ETFA: variants seen among roughly 807,000 people sequenced by gnomAD.
The protein encoded by ETFA is electron transfer flavoprotein subunit alpha.
Under a neutral mutation model 46.2 loss-of-function variants are expected in ETFA, and 22 were observed. That is an observed-to-expected ratio of 0.48 (90% CI 0.34 to 0.68). ETFA has a LOEUF of 0.68. Among genes scored for constraint, ETFA ranks in the 30% least tolerant of loss-of-function variants. The pLI is 0.01. For synonymous variants in ETFA, 131 were observed against 139.9 expected (o/e 0.94, Z 0.45); for missense variants, 345 against 401.1 (o/e 0.86, Z 1.19).
intron 9 of ETFA, among the ~76,000 whole-genome samples, chr15:76,243,654 C>T (rs2039214840): frequency 1.3e-5 from 2 of 151,834 alleles, no homozygotes; most frequent in Admixed American, 1.3e-4. Context: ...CAACAATTAG[C>T]CGGGCGTGGT....
rs1441310475 is a variant in ETFA at position 76,258,838 on chromosome 15, T to C, written c.816+15574A>G. ...GAGGAACTGGGATTGGGTGATTTGG[T>C]CAGTCCAGGCTTCCCAGCACAGCTT... On this transcript the variant is annotated intron_variant, in intron 9 of 11. Transcript: ENST00000557943. The C allele has an allele frequency of 1.1e-5, 7 of 613,450 alleles. No homozygotes were observed. In the East Asian group the frequency reaches 1.7e-4, roughly 15 times the overall value. 38.0% of individuals were successfully genotyped at this position (613,450 alleles called of 1,614,324 possible).
At chr15:76,261,726 CGAGT>C in intron 9 of ETFA, 1 of 249,772 alleles carries the variant, frequency 4.0e-6, no homozygotes, top group Non-Finnish European at 7.5e-6. Context: ...GCCCGGCCCA[CGAGT>C]GAGGAGGGAG....
At chr15:76,252,447 A>G (rs1431566211) in intron 9 of ETFA, among the ~76,000 whole-genome samples, 1 of 152,196 alleles carries the variant, frequency 6.6e-6, no homozygotes, top group Admixed American at 6.5e-5. Context: ...TCAAACTGCT[A>G]CCATCACTAC....
chr15:76,229,836 CA>C (rs1249557369), intron 10 of ETFA, among the ~76,000 whole-genome samples: 2 of 152,108 alleles, frequency 1.3e-5, no homozygotes, highest in Non-Finnish European at 2.9e-5. Context: ...TGGATAAATG[CA>C]GGAATGTCAG....
At chr15:76,225,458 T>G (rs2038994840) in intron 11 of ETFA, among the ~76,000 whole-genome samples, 1 of 151,944 alleles carries the variant, frequency 6.6e-6, no homozygotes, top group African/African-American at 2.4e-5. Flanking sequence ...CCAGCTAATT[T>G]TTTGTATTTT....
intron 9 of ETFA, among the ~76,000 whole-genome samples, chr15:76,272,685 G>C (rs35707798): frequency 0.41 from 62,056 of 151,706 alleles, 15,195 homozygotes; most frequent in Middle Eastern, 0.56. Flanking sequence ...AGCCACTCAA[G>C]AGGCTGAAGT....
intron 11 of ETFA, among the ~76,000 whole-genome samples, chr15:76,221,710 A>C (rs2038957617): frequency 6.6e-6 from 1 of 152,160 alleles, no homozygotes; most frequent in Non-Finnish European, 1.5e-5. Flanking sequence ...CATTACTTAC[A>C]AGCAAGCTGA....
chr15:76,258,640 T>G (rs1333560200), intron 9 of ETFA, among the ~76,000 whole-genome samples: 3 of 152,160 alleles, frequency 2.0e-5, no homozygotes, highest in African/African-American at 7.2e-5. Flanking sequence ...AGCGGGACGG[T>G]AGAGCCTACA....
intron 9 of ETFA, among the ~76,000 whole-genome samples, chr15:76,272,894 C>G (rs990664460): frequency 6.0e-5 from 9 of 150,910 alleles, no homozygotes; most frequent in Non-Finnish European, 1.0e-4. Flanking sequence ...CTCAATAAAT[C>G]CACTCTCACA....
chr15:76,308,969 G>C (rs943072392), intron 1 of ETFA, among the ~76,000 whole-genome samples: 1 of 152,206 alleles, frequency 6.6e-6, no homozygotes, highest in African/African-American at 2.4e-5. Flanking sequence ...GGGAAAACCA[G>C]GGGAAGGGTT....
At chr15:76,224,465 C>A (rs2038985564) in intron 11 of ETFA, among the ~76,000 whole-genome samples, 1 of 152,232 alleles carries the variant, frequency 6.6e-6, no homozygotes, top group African/African-American at 2.4e-5. Context: ...TGCATGCAGT[C>A]TGAGCCATCA....
At chr15:76,248,764 C>T (rs2039267069) in intron 9 of ETFA, among the ~76,000 whole-genome samples, 1 of 151,970 alleles carries the variant, frequency 6.6e-6, no homozygotes, top group African/African-American at 2.4e-5. Flanking sequence ...GTAGTCCCAG[C>T]TACTCAGGAG....
chr15:76,297,508 T>C (rs752877201), intron 1 of ETFA, among the ~76,000 whole-genome samples: 1 of 152,046 alleles, frequency 6.6e-6, no homozygotes, highest in Non-Finnish European at 1.5e-5. Context: ...TCACACATCA[T>C]TTGCCATAAA....
chr15:76,266,362 G>A (rs895634176), intron 9 of ETFA, among the ~76,000 whole-genome samples: 6 of 152,238 alleles, frequency 3.9e-5, no homozygotes, highest in Non-Finnish European at 5.9e-5. Flanking sequence ...TAAATAGCCC[G>A]ACTATTTGTC....
At chr15:76,249,912 G>A (rs1270045947) in intron 9 of ETFA, among the ~76,000 whole-genome samples, 1 of 152,074 alleles carries the variant, frequency 6.6e-6, no homozygotes, top group East Asian at 1.9e-4. Flanking sequence ...GTAAATATAA[G>A]CTGGAATAAC....
chr15:76,229,266 A>G (rs1440657928), intron 10 of ETFA: 5 of 152,268 alleles, frequency 3.3e-5, no homozygotes, highest in African/African-American at 1.2e-4. Flanking sequence ...CACAGACAAC[A>G]GGATAAGACA....
intron 1 of ETFA, among the ~76,000 whole-genome samples, chr15:76,307,996 A>G (rs2039954083): frequency 6.6e-6 from 1 of 152,068 alleles, no homozygotes; most frequent in South Asian, 2.1e-4. Flanking sequence ...ACTTTGTGAT[A>G]TCACAAACAT....
chr15:76,311,434 C>T lies in ETFA; in HGVS notation c.-46G>A. 6.5e-7 allele frequency: 1 copy of T among 1,545,650 alleles called. No homozygotes were observed. Among genetic ancestry groups the T allele is most frequent in the Non-Finnish European group, 8.7e-7 (1 of 1,146,962 alleles). On this transcript the variant is annotated 5_prime_UTR_variant, in exon 1 of 12. Coordinates refer to ENST00000557943, the MANE Select transcript of ETFA (RefSeq NM_000126.4). ...CCTCGGCCTTACAGCAGCCCCGTGC[C>T]CGGCCAACTGGCGCCGCCTCAGCCA...
chr15:76,262,198 CA>C (rs1279609848), intron 9 of ETFA, among the ~76,000 whole-genome samples: 1 of 150,988 alleles, frequency 6.6e-6, no homozygotes, highest in Admixed American at 6.6e-5. Flanking sequence ...GAAAATGGAC[CA>C]AAAGAAATGA....
Sources: gnomAD v4.1 joint callset for allele counts (sites outside exome capture counted in the v4.1 genomes callset) on GRCh38, gnomAD v4.1.1 for gene constraint, MANE v1.5 for transcripts, NCBI Gene and HGNC (gene_info 2026-07-23, HGNC 2026-07-21) for gene names.